Variants in SENP1 observed in about 807,000 individuals in gnomAD.
SENP1 encodes SUMO specific peptidase 1.
Under a neutral mutation model 93.0 loss-of-function variants are expected in SENP1, and 21 were observed. The observed-to-expected ratio is 0.23, with a 90% CI of 0.16 to 0.33. The LOEUF (loss-of-function observed/expected upper bound fraction) is 0.33, where lower values mean the gene tolerates loss of function less well. SENP1 is among the 10% of genes least tolerant of loss of function. SENP1 has a pLI of 1.00. For missense variants in SENP1, 591 were observed against 758.7 expected, an observed-to-expected ratio of 0.78 and a Z score of 2.60; for synonymous variants, 256 against 259.6, an observed-to-expected ratio of 0.99 and a Z score of 0.13.
At chr12:48,078,545 G>C (rs1358743217) in intron 6 of SENP1, among the ~76,000 whole-genome samples, 1 of 150,324 alleles carries the variant, frequency 6.7e-6, no homozygotes, top group African/African-American at 2.4e-5. Context: ...TTTTGAGACA[G>C]AGTCTTGCTC....
rs1942207179 is a variant in SENP1 at position 48,055,810 on chromosome 12, A to G, written c.1408-6678T>C. Among the ~76,000 whole-genome samples, 3 of 145,494 alleles carry G rather than the reference A, an allele frequency of 2.1e-5. 1 individual carries two copies. The Admixed American group carries it at 2.1e-4, about 10-fold the overall frequency. ...ATTATTTAATATATAAATAAAATAT[A>G]TCATATTAATATATATTTTATATAT... On this transcript the variant is annotated intron_variant, in intron 13 of 17. Transcript: ENST00000549518.
rs1944656653 is a variant in SENP1 at position 48,083,902 on chromosome 12, T to C, written c.381-140A>G. 5.0e-6 allele frequency: 3 copies of C among 598,308 alleles called. No homozygotes were observed. The South Asian group carries it at 7.1e-5, about 14-fold the overall frequency. 37.1% of individuals were successfully genotyped at this position (598,308 alleles called of 1,614,324 possible). A position where few individuals can be genotyped will look rare whatever the true frequency, so the allele number is the denominator to read the frequency against. On this transcript the variant is annotated intron_variant, in intron 5 of 17. Coordinates refer to ENST00000549518, the MANE Select transcript of SENP1 (RefSeq NM_001267594.2). Reference sequence around the variant, plus strand: ...ATAGGTTTCCCATTTGAGGGAAAGATACAATAAATGAATAAATGATATATA... The same window carrying C: ...ATAGGTTTCCCATTTGAGGGAAAGACACAATAAATGAATAAATGATATATA...
At position 48,075,894 on chromosome 12, in the gene SENP1, G is replaced by A. The variant is rs543331137; in HGVS notation, c.553-1101C>T. On this transcript the variant is annotated intron_variant, in intron 6 of 17. Coordinates refer to ENST00000549518, the MANE Select transcript of SENP1 (RefSeq NM_001267594.2). Reference sequence around the variant, plus strand: ...CAGCAGAAACCTAAAGCCAAGGGAAGAAGTCAGTCCTAGAAATATATAAAA... The same window carrying A: ...CAGCAGAAACCTAAAGCCAAGGGAAAAAGTCAGTCCTAGAAATATATAAAA... 3.9e-5 allele frequency among the ~76,000 whole-genome samples: 6 copies of A among 152,264 alleles called. No individual in the cohort carries two copies. In the East Asian group the frequency reaches 7.7e-4, roughly 20 times the overall value.
intron 8 of SENP1, 38 bp downstream of exon 8, chr12:48,074,286 T>G (rs764954414): frequency 6.5e-7 from 1 of 1,533,374 alleles, no homozygotes; most frequent in Non-Finnish European, 8.9e-7. Flanking sequence ...TAATTGGCTA[T>G]TAGGACTAAA....
chr12:48,045,621 G>A (rs1452378488), intron 17 of SENP1, among the ~76,000 whole-genome samples: 2 of 152,024 alleles, frequency 1.3e-5, no homozygotes, highest in Non-Finnish European at 2.9e-5. Context: ...GGAATCCCCA[G>A]GCTATGCCCA....
rs1943923313 is a variant in SENP1 at position 48,074,459 on chromosome 12, C to T, written c.805G>A (p.Val269Ile). ...GGGGTATAAGAAGATAGGGAATATA[C>T]ACTGTGGGACAGCTGTTCCTGGTTA... ...LTNQEQLSHS[V>I]YSLSSYTPDV... The change falls in exon 8 of 18, where the codon GTA becomes ATA. Residue 269 changes from valine (V) to isoleucine (I), a missense_variant. Physicochemically the swap from Val to Ile is conservative, Grantham distance 29. Around this residue, in one of 4 missense-constraint regions of SENP1, gnomAD observed 238 missense variants for 259.1 expected, o/e 0.92. Transcript: ENST00000549518. The T allele has an allele frequency of 1.9e-6, 3 of 1,613,748 alleles. No individual in the cohort carries two copies. The highest frequency in any genetic ancestry group is 1.3e-5 in the African/African-American group (1 of 74,908).
chr12:48,053,055 T>C (rs1040961855), intron 13 of SENP1, among the ~76,000 whole-genome samples: 2 of 152,218 alleles, frequency 1.3e-5, no homozygotes, highest in African/African-American at 4.8e-5. Context: ...GAACTTAATG[T>C]TTTGCAGGTT....
intron 1 of SENP1, among the ~76,000 whole-genome samples, chr12:48,104,269 GGGGGC>G (rs1565820694): frequency 1.6e-3 from 124 of 75,358 alleles, no homozygotes; most frequent in Middle Eastern, 5.4e-3. Context: ...GGGGGGGGGG[GGGGGC>G]GGAGGGAGGG....
At chr12:48,045,939 T>C (rs1285117987) in intron 17 of SENP1, among the ~76,000 whole-genome samples, 1 of 152,296 alleles carries the variant, frequency 6.6e-6, no homozygotes, top group South Asian at 2.1e-4. Context: ...ACTGACCAGA[T>C]TCATCAAGTG....
chr12:48,098,010 G>A lies in SENP1; in HGVS notation c.119C>T (p.Ser40Leu), dbSNP rs756729200. ...GCTCCTAACCTGCTGGTCAGAAAGC[G>A]AAAGCTGGTCCTCTGGAAAACCTGT... ...PQTGFPEDQL[S>L]LSDQQILSSR... The change falls in exon 3 of 18, where the codon TCG becomes TTG. Residue 40 changes from serine to leucine, a missense_variant. Transcript: ENST00000549518. 38 of 1,613,490 alleles carry A rather than the reference G, an allele frequency of 2.4e-5. No individual in the cohort carries two copies. The highest frequency in any genetic ancestry group is 4.0e-5 in the African/African-American group (3 of 74,906).
chr12:48,067,976 T>G (rs1199104749), intron 9 of SENP1, among the ~76,000 whole-genome samples: 1 of 152,154 alleles, frequency 6.6e-6, no homozygotes, highest in Non-Finnish European at 1.5e-5. Context: ...TTCTCCTGCC[T>G]CAGCCTCCTG....
chr12:48,062,592 TGATCCTAA>T (rs991026098), intron 13 of SENP1, among the ~76,000 whole-genome samples: 5 of 152,362 alleles, frequency 3.3e-5, no homozygotes, highest in Admixed American at 3.3e-4. Flanking sequence ...TCTATATATC[TGATCCTAA>T]GACCAGTATC....
At chr12:48,092,262 G>A (rs895317429) in intron 4 of SENP1, among the ~76,000 whole-genome samples, 6 of 152,126 alleles carry the variant, frequency 3.9e-5, no homozygotes, top group African/African-American at 9.7e-5. Context: ...CTGAGGGTCC[G>A]TGTCTAGCCC....
intron 6 of SENP1, chr12:48,080,503 G>T (rs1232672657): frequency 1.3e-5 from 2 of 152,326 alleles, no homozygotes; most frequent in Admixed American, 6.5e-5. Flanking sequence ...TCATATTCCT[G>T]AAGTTGATGG....
At chr12:48,089,083 G>A (rs1316863821) in intron 4 of SENP1, 123 bp from the exon 5 acceptor site, 8 of 1,544,768 alleles carry the variant, frequency 5.2e-6, no homozygotes, top group Non-Finnish European at 6.1e-6. Flanking sequence ...TCTCATGGAA[G>A]AAAGATCCCA....
chr12:48,105,978 C>G, intron 1 of SENP1, 50 bp downstream of exon 1: 2 of 699,828 alleles, frequency 2.9e-6, no homozygotes, highest in Admixed American at 2.0e-5. Context: ...GTCTCCTGGA[C>G]CAGGCTCCCT....
At chr12:48,093,836 T>C (rs58046797) in intron 4 of SENP1, among the ~76,000 whole-genome samples, 34,493 of 151,896 alleles carry the variant, frequency 0.23, 4,581 homozygotes, top group East Asian at 0.55. Context: ...CATGCTGGCA[T>C]GCACTGGTAG....
At chr12:48,059,246 C>T (rs967743280) in intron 13 of SENP1, among the ~76,000 whole-genome samples, 2 of 152,136 alleles carry the variant, frequency 1.3e-5, no homozygotes, top group African/African-American at 4.8e-5. Context: ...TATGCTTAAC[C>T]TGTCTGGTAT....
Position 48,098,107 on chromosome 12 carries a change from T to A in SENP1, c.22A>T (p.Met8Leu), listed in dbSNP as rs1358217018. 1 of 1,613,414 alleles carries A rather than the reference T, an allele frequency of 6.2e-7. No individual in the cohort carries two copies. The highest frequency in any genetic ancestry group is 2.2e-5 in the East Asian group (1 of 44,896). The change falls in exon 3 of 18, where the codon ATG (methionine) becomes TTG (leucine). Residue 8 changes from methionine to leucine, a missense_variant. By Grantham distance (15) the Met-to-Leu change is conservative (BLOSUM62 2). Around this residue, in one of 4 missense-constraint regions of SENP1, gnomAD observed 214 missense variants for 243.4 expected, o/e 0.88. Transcript: ENST00000549518. ...GTCACTTCTCCAGCATCCATCCTCATCCTATCAGCAATATCATCTGGGGAG... is the reference window on the plus strand; with the variant it reads ...GTCACTTCTCCAGCATCCATCCTCAACCTATCAGCAATATCATCTGGGGAG... MDDIADRMRMDAGEVTLV... is the reference protein window; with the variant it reads MDDIADRLRMDAGEVTLV...
Sources: gnomAD v4.1 joint callset for allele counts (sites outside exome capture counted in the v4.1 genomes callset) on GRCh38, gnomAD v4.1.1 for gene constraint, gnomAD v4.1.1 regional missense constraint, MANE v1.5 for transcripts, NCBI Gene and HGNC (gene_info 2026-07-23, HGNC 2026-07-21) for gene names.